ZER1: variants seen among roughly 807,000 people sequenced by gnomAD.
ZER1 encodes protein zer-1 homolog.
ZER1 carries 11 observed loss-of-function variants against 78.8 expected under a neutral mutation model. That is an observed-to-expected ratio of 0.14 (90% CI 0.09 to 0.23). The LOEUF is 0.23. Ranked by LOEUF, ZER1 falls within the 10% of genes least tolerant of loss-of-function variation. The pLI is 1.00. For missense variants in ZER1, 588 were observed against 996.9 expected, an observed-to-expected ratio of 0.59 and a Z score of 5.52; for synonymous variants, 400 against 407.0, an observed-to-expected ratio of 0.98 and a Z score of 0.21.
chr9:128,762,202 A>C (rs940260848), intron 1 of ZER1, among the ~76,000 whole-genome samples: 2 of 151,492 alleles, frequency 1.3e-5, no homozygotes, highest in African/African-American at 4.9e-5. Context: ...TGGCCCAGGG[A>C]AGCTAAAAGA....
intron 9 of ZER1, among the ~76,000 whole-genome samples, chr9:128,742,190 T>G (rs931411619): frequency 6.6e-6 from 1 of 152,232 alleles, no homozygotes; most frequent in African/African-American, 2.4e-5. Flanking sequence ...ATTTATCATC[T>G]CCCCACTGGC....
Position 128,753,760 on chromosome 9 carries a change from C to T in ZER1, c.309+49G>A, listed in dbSNP as rs1408514739. On this transcript the variant is annotated intron_variant, in intron 3 of 15. Coordinates refer to ENST00000291900, the MANE Select transcript of ZER1 (RefSeq NM_006336.4). The surrounding 1 kb of genome is among the most constrained non-coding windows in gnomAD (Gnocchi z 7.5). Reference sequence around the variant, plus strand: ...GCTGGGCTGGAGGCGAGCAGCCTGGCCCCTGCTTGGTGTGGGCCCTCCTGG... The same window carrying T: ...GCTGGGCTGGAGGCGAGCAGCCTGGTCCCTGCTTGGTGTGGGCCCTCCTGG... 1.9e-6 allele frequency: 3 copies of T among 1,583,846 alleles called. No individual in the cohort carries two copies. In the East Asian group the frequency reaches 6.8e-5, roughly 36 times the overall value.
rs762999920 is a variant in ZER1 at position 128,755,788 on chromosome 9, G to C, written c.-94-129C>G. The C allele has an allele frequency of 6.8e-6, 4 of 587,060 alleles. No homozygotes were observed. Among genetic ancestry groups the C allele is most frequent in the Non-Finnish European group, 8.8e-6 (3 of 339,572 alleles). The allele number at this position is 587,060 out of a possible 1,614,324, so 36.4% of individuals were successfully genotyped here. A position where few individuals can be genotyped will look rare whatever the true frequency, so the allele number is the denominator to read the frequency against. On this transcript the variant is annotated intron_variant, in intron 1 of 15. Coordinates refer to ENST00000291900, the MANE Select transcript of ZER1 (RefSeq NM_006336.4). This position sits in a 1 kb window ranked among gnomAD's most constrained non-coding sequence, Gnocchi z 5.6. ...TAGCAGCTTAGCAGGGCCAGGCCCA[G>C]GTCTCCTGACTCCTTCTTTCACCCG...
intron 8 of ZER1, among the ~76,000 whole-genome samples, chr9:128,743,414 C>G (rs1411810363): frequency 6.6e-6 from 1 of 152,030 alleles, no homozygotes; most frequent in Admixed American, 6.6e-5. Flanking sequence ...CTGCGCCCAG[C>G]CTTCTTTTAT....
At chr9:128,743,181 T>G (rs1268146398) in intron 8 of ZER1, among the ~76,000 whole-genome samples, 3 of 151,700 alleles carry the variant, frequency 2.0e-5, no homozygotes, top group African/African-American at 7.3e-5. Context: ...GCAGTGGACC[T>G]ATCTCGGCTC....
At position 128,753,787 on chromosome 9, in the gene ZER1, G is replaced by A. The variant is rs7030826; in HGVS notation, c.309+22C>T. 2.6e-3 allele frequency: 4,211 copies of A among 1,589,076 alleles called. 30 individuals carry two copies. The highest frequency in any genetic ancestry group is 0.022 in the African/African-American group (1,640 of 74,840). ...CCTGCTTGGTGTGGGCCCTCCTGGC[G>A]CTGTGGCGGGGCAGGTCTCACCTGC... is the stretch of plus-strand genomic sequence containing the variant. On this transcript the variant is annotated intron_variant, in intron 3 of 15. Coordinates refer to ENST00000291900, the MANE Select transcript of ZER1 (RefSeq NM_006336.4). The surrounding 1 kb of genome is among the most constrained non-coding windows in gnomAD (Gnocchi z 7.5).
intron 1 of ZER1, among the ~76,000 whole-genome samples, chr9:128,759,839 T>C (rs1380434384): frequency 2.6e-5 from 4 of 152,162 alleles, no homozygotes; most frequent in African/African-American, 9.6e-5. Context: ...TCATATTTTG[T>C]GCATCTTTCC....
chr9:128,749,823 C>T (rs936287736), intron 8 of ZER1, among the ~76,000 whole-genome samples: 3 of 152,254 alleles, frequency 2.0e-5, no homozygotes, highest in Middle Eastern at 3.4e-3. Flanking sequence ...GCAGGTGGAT[C>T]ACCTGAGGTC....
At chr9:128,734,144 A>AAAAAAAAAT in intron 14 of ZER1, among the ~76,000 whole-genome samples, 206 of 14,406 alleles carry the variant, frequency 0.014, 18 homozygotes, top group African/African-American at 0.038. Flanking sequence ...AAAAAAAAAA[A>AAAAAAAAAT]ATATATATAT....
At chr9:128,734,127 CAAAAAAA>C (rs1203049523) in intron 14 of ZER1, among the ~76,000 whole-genome samples, 1 of 5,932 alleles carries the variant, frequency 1.7e-4, no homozygotes, top group Non-Finnish European at 3.0e-4. Context: ...AACTCCGTCT[CAAAAAAA>C]AAAAAAAAAA....
intron 1 of ZER1, among the ~76,000 whole-genome samples, chr9:128,758,727 G>A (rs10760576): frequency 1 from 151,688 of 152,274 alleles, 75,555 homozygotes; most frequent in Middle Eastern, 1. Context: ...GGCATGAGCC[G>A]CTGCACCTGG....
At position 128,753,976 on chromosome 9, in the gene ZER1, C is replaced by A. The variant is rs1349586197; in HGVS notation, c.159-17G>T. The A allele has an allele frequency of 6.4e-7, 1 of 1,574,704 alleles. No individual in the cohort carries two copies. The highest frequency in any genetic ancestry group is 1.4e-5 in the African/African-American group (1 of 73,760). On this transcript the variant is annotated splice_polypyrimidine_tract_variant and intron_variant, in intron 2 of 15. Transcript: ENST00000291900. This position sits in a 1 kb window ranked among gnomAD's most constrained non-coding sequence, Gnocchi z 7.5. ...TCCACATACCTGGGAGAGAAAAAAG[C>A]CTGGCTCAGGAGAGGGCCACAGGGA...
At chr9:128,738,498 G>C (rs1283440423) in intron 13 of ZER1, among the ~76,000 whole-genome samples, 1 of 147,786 alleles carries the variant, frequency 6.8e-6, no homozygotes, top group Non-Finnish European at 1.5e-5. Context: ...CCATTCTCCT[G>C]CCTCAGCCTC....
At position 128,753,972 on chromosome 9, in the gene ZER1, A is replaced by G; in HGVS notation, c.159-13T>C. 1 of 1,577,338 alleles carries G rather than the reference A, an allele frequency of 6.3e-7. No individual in the cohort carries two copies. The highest frequency in any genetic ancestry group is 8.6e-7 in the Non-Finnish European group (1 of 1,162,026). The stretch of plus-strand genomic sequence containing the variant: ...CAGCTCCACATACCTGGGAGAGAAA[A>G]AAGCCTGGCTCAGGAGAGGGCCACA... On this transcript the variant is annotated splice_polypyrimidine_tract_variant and intron_variant, in intron 2 of 15. Transcript: ENST00000291900. The surrounding 1 kb of genome is among the most constrained non-coding windows in gnomAD (Gnocchi z 7.5).
At chr9:128,757,895 G>A (rs1863912011) in intron 1 of ZER1, among the ~76,000 whole-genome samples, 1 of 151,094 alleles carries the variant, frequency 6.6e-6, no homozygotes, top group Non-Finnish European at 1.5e-5. Context: ...ATACCCAACA[G>A]AAATGCATAA....
chr9:128,756,945 T>C (rs1863878288), intron 1 of ZER1, among the ~76,000 whole-genome samples: 1 of 152,240 alleles, frequency 6.6e-6, no homozygotes, highest in African/African-American at 2.4e-5. Flanking sequence ...TTCATGACTT[T>C]AGCACAGCTA....
rs187679230 is a variant in ZER1 at position 128,752,612 on chromosome 9, C to A, written c.923+61G>T. The stretch of plus-strand genomic sequence containing the variant: ...CTGGGATTACAGGCGTGAGCCACTG[C>A]GCCAGCCTAAATGCCTGTTGAATGA... On this transcript the variant is annotated intron_variant, in intron 5 of 15. Transcript: ENST00000291900. 352 of 1,523,190 alleles carry A rather than the reference C, an allele frequency of 2.3e-4. No individual in the cohort carries two copies. The East Asian group carries it at 7.1e-3, about 31-fold the overall frequency. 94.4% of individuals were successfully genotyped at this position (1,523,190 alleles called of 1,614,324 possible).
intron 8 of ZER1, among the ~76,000 whole-genome samples, chr9:128,744,833 T>C (rs889148986): frequency 9.2e-5 from 14 of 152,240 alleles, no homozygotes; most frequent in Admixed American, 2.6e-4. Context: ...ACTGTTGTTA[T>C]ACGTAGCTGA....
rs758535399 is a variant in ZER1, at chr9:128,735,354, T to A, written c.2120A>T (p.Tyr707Phe). The A allele has an allele frequency of 1.2e-6, 2 of 1,613,992 alleles. No homozygotes were observed. Among genetic ancestry groups the A allele is most frequent in the Middle Eastern group, 1.7e-4 (1 of 6,006 alleles). ...VSQHWATWAL[Y>F]NLVSVYPDKY... is the part of the protein sequence containing the mutation. ...CTCACGGTAGACAGACACGAGGTTATACAGGGCCCAGGTTGCCCAGTGCTG... is the reference window on the plus strand; with the variant it reads ...CTCACGGTAGACAGACACGAGGTTAAACAGGGCCCAGGTTGCCCAGTGCTG... The change falls in exon 14 of 16, where the codon TAT (tyrosine) becomes TTT (phenylalanine). Residue 707 changes from tyrosine to phenylalanine, a missense_variant. Physicochemically the swap from Tyr to Phe is conservative, Grantham distance 22 (BLOSUM62 3). This residue lies in a region of ZER1 where 122 missense variants were observed against 173.5 expected (regional missense o/e 0.70). Coordinates refer to ENST00000291900, the MANE Select transcript of ZER1 (RefSeq NM_006336.4).
Sources: gnomAD v4.1 joint callset for allele counts (sites outside exome capture counted in the v4.1 genomes callset) on GRCh38, gnomAD v4.1.1 for gene constraint, gnomAD v4.1.1 regional missense constraint, Gnocchi (gnomAD v3.1) non-coding constraint, MANE v1.5 for transcripts, NCBI Gene and HGNC (gene_info 2026-07-23, HGNC 2026-07-21) for gene names.